The following CACNG7 variants were observed in gnomAD, a reference collection of about 807,000 sequenced individuals.
The protein encoded by CACNG7 is calcium voltage-gated channel auxiliary subunit gamma 7, also known as voltage-dependent calcium channel gamma-7 subunit.
In CACNG7, 9 loss-of-function variants were observed where a neutral mutation model predicts 26.3. The observed-to-expected ratio is 0.34, with a 90% CI of 0.21 to 0.60. CACNG7 has a LOEUF of 0.60. Among genes scored for constraint, CACNG7 ranks in the 20% least tolerant of loss-of-function variants. The probability of loss-of-function intolerance (pLI) is 0.81; values close to 1 mark genes in which losing one functional copy is unlikely to be tolerated. For missense variants in CACNG7, 297 were observed against 380.4 expected, an observed-to-expected ratio of 0.78 and a Z score of 1.82; for synonymous variants, 170 against 157.0, an observed-to-expected ratio of 1.08 and a Z score of -0.62.
intron 1 of CACNG7, among the ~76,000 whole-genome samples, chr19:53,910,921 GT>G (rs1425982675): frequency 1.3e-5 from 2 of 152,134 alleles, no homozygotes; most frequent in African/African-American, 4.8e-5. Context: ...TTCAGATCGT[GT>G]GTTAGGGGAG....
At chr19:53,928,695 G>C (rs1325963579) in intron 4 of CACNG7, among the ~76,000 whole-genome samples, 1 of 152,210 alleles carries the variant, frequency 6.6e-6, no homozygotes, top group African/African-American at 2.4e-5. Flanking sequence ...ACGACAGGCT[G>C]ACTTGTTTCT....
intron 1 of CACNG7, among the ~76,000 whole-genome samples, chr19:53,910,012 G>T (rs1364101412): frequency 6.6e-6 from 1 of 152,120 alleles, no homozygotes; most frequent in Non-Finnish European, 1.5e-5. Flanking sequence ...TTCAGGCCTG[G>T]GGGGAGGGTC....
At chr19:53,910,447 T>C (rs1201703103) in intron 1 of CACNG7, among the ~76,000 whole-genome samples, 1 of 151,974 alleles carries the variant, frequency 6.6e-6, no homozygotes, top group Non-Finnish European at 1.5e-5. Flanking sequence ...CCAGAGTCTT[T>C]ATTCAGGTGG....
chr19:53,911,056 G>T (rs928013460), intron 1 of CACNG7, among the ~76,000 whole-genome samples: 2 of 126,998 alleles, frequency 1.6e-5, no homozygotes, highest in Admixed American at 1.5e-4. Context: ...GTGGTGGTGG[G>T]GTCCAGCTCA....
chr19:53,923,521 G>GT (rs1460199321), intron 4 of CACNG7, among the ~76,000 whole-genome samples: 1,231 of 113,866 alleles, frequency 0.011, 42 homozygotes, highest in Non-Finnish European at 0.018. Context: ...TGGTGGAGTT[G>GT]CCCCAGGTCT....
intron 1 of CACNG7, among the ~76,000 whole-genome samples, chr19:53,911,080 T>G (rs990867707): frequency 6.6e-6 from 1 of 151,560 alleles, no homozygotes; most frequent in Non-Finnish European, 1.5e-5. Context: ...ATGATTTTTT[T>G]TTTTGAGATG....
chr19:53,912,687 G>C lies in CACNG7; in HGVS notation c.-29-116G>C. On this transcript the variant is annotated intron_variant, in intron 1 of 5. Transcript: ENST00000391767. This position sits in a 1 kb window ranked among gnomAD's most constrained non-coding sequence, Gnocchi z 4.6. ...GTCAGGCCACGGAGGTCAGATCTGA[G>C]ATTTCGATTTGGGAGTCAGTGTCTC... 1 of 785,620 alleles carries C rather than the reference G, an allele frequency of 1.3e-6. No homozygotes were observed. Among genetic ancestry groups the C allele is most frequent in the Non-Finnish European group, 2.1e-6 (1 of 479,316 alleles). The allele number at this position is 785,620 out of a possible 1,614,324, so 48.7% of individuals were successfully genotyped here.
intron 1 of CACNG7, among the ~76,000 whole-genome samples, chr19:53,911,900 G>C (rs1412331636): frequency 6.6e-6 from 1 of 152,192 alleles, no homozygotes; most frequent in Non-Finnish European, 1.5e-5. Flanking sequence ...CAAATCTTGA[G>C]TGTAAACTTC....
intron 4 of CACNG7, among the ~76,000 whole-genome samples, chr19:53,918,849 A>C (rs1000164686): frequency 1.3e-5 from 2 of 151,960 alleles, no homozygotes; most frequent in East Asian, 3.9e-4. Flanking sequence ...GCTCACTGCA[A>C]CCTCCGCGTC....
Position 53,942,675 on chromosome 19 carries a change from C to T in CACNG7, c.*382C>T. On this transcript the variant is annotated 3_prime_UTR_variant, in exon 6 of 6. Transcript: ENST00000391767. This position sits in a 1 kb window ranked among gnomAD's most constrained non-coding sequence, Gnocchi z 5.9. ...CTCCCCAGAGCTCCCCAACCTCGGACCTCACCGCAGGGGCGCTGGGCTGGA... is the reference window on the plus strand; with the variant it reads ...CTCCCCAGAGCTCCCCAACCTCGGATCTCACCGCAGGGGCGCTGGGCTGGA... 1 of 777,350 alleles carries T rather than the reference C, an allele frequency of 1.3e-6. No individual in the cohort carries two copies. The highest frequency in any genetic ancestry group is 6.6e-5 in the East Asian group (1 of 15,214). 48.2% of individuals were successfully genotyped at this position (777,350 alleles called of 1,614,324 possible).
intron 4 of CACNG7, among the ~76,000 whole-genome samples, chr19:53,936,406 G>A (rs1376641316): frequency 1.3e-5 from 2 of 152,180 alleles, no homozygotes; most frequent in Admixed American, 1.3e-4. Flanking sequence ...GGGAGATTCT[G>A]TCATCCAGCA....
At chr19:53,922,480 GT>G (rs199864201) in intron 4 of CACNG7, among the ~76,000 whole-genome samples, 12 of 110,196 alleles carry the variant, frequency 1.1e-4, no homozygotes, top group African/African-American at 4.1e-4. Flanking sequence ...GTTGCCCCAG[GT>G]CTGGTCATTG....
intron 4 of CACNG7, among the ~76,000 whole-genome samples, chr19:53,923,291 G>A (rs2068981447): frequency 1.8e-5 from 2 of 108,810 alleles, no homozygotes; most frequent in South Asian, 7.6e-4. Flanking sequence ...CCCAGGTCTG[G>A]TCATTGGTGG....
At chr19:53,936,995 A>G (rs563636402) in intron 4 of CACNG7, among the ~76,000 whole-genome samples, 2 of 151,660 alleles carry the variant, frequency 1.3e-5, no homozygotes, top group South Asian at 2.1e-4. Flanking sequence ...GCAGCCTTGA[A>G]CTCCTAGGCT....
intron 4 of CACNG7, among the ~76,000 whole-genome samples, chr19:53,921,238 T>A (rs1199974932): frequency 7.2e-5 from 6 of 83,330 alleles, no homozygotes; most frequent in Non-Finnish European, 1.3e-4. Flanking sequence ...TTGCCCCAGG[T>A]CTGGTCATTG....
At chr19:53,941,406 G>A in intron 4 of CACNG7, 64 bp from the exon 5 acceptor site, 2 of 1,458,868 alleles carry the variant, frequency 1.4e-6, no homozygotes, top group Admixed American at 5.3e-5. Context: ...GCAGTGAGGT[G>A]GGGCTGGGGC....
intron 4 of CACNG7, among the ~76,000 whole-genome samples, chr19:53,932,911 G>A (rs527730057): frequency 3.4e-5 from 5 of 149,066 alleles, no homozygotes; most frequent in South Asian, 2.1e-4. Context: ...AGGTTAAAGC[G>A]ATTCTCTGGC....
chr19:53,934,993 C>T (rs889250174), intron 4 of CACNG7, among the ~76,000 whole-genome samples: 10 of 151,970 alleles, frequency 6.6e-5, no homozygotes, highest in African/African-American at 2.4e-4. Flanking sequence ...CTCTCTCTCT[C>T]TCCATATATA....
At chr19:53,924,693 G>A (rs1178907217) in intron 4 of CACNG7, among the ~76,000 whole-genome samples, 1 of 149,398 alleles carries the variant, frequency 6.7e-6, no homozygotes, top group African/African-American at 2.5e-5. Context: ...CCCAGGTCTG[G>A]TATTGGTGGA....
Sources: gnomAD v4.1 joint callset for allele counts (sites outside exome capture counted in the v4.1 genomes callset) on GRCh38, gnomAD v4.1.1 for gene constraint, Gnocchi (gnomAD v3.1) non-coding constraint, MANE v1.5 for transcripts, NCBI Gene and HGNC (gene_info 2026-07-23, HGNC 2026-07-21) for gene names.